Variants in WNT9B observed in about 807,000 individuals in gnomAD.
WNT9B encodes protein Wnt-9b.
In WNT9B, 12 loss-of-function variants were observed where a neutral mutation model predicts 30.2. The observed-to-expected ratio is 0.40, with a 90% confidence interval of 0.26 to 0.64. WNT9B has a LOEUF of 0.64. Among genes scored for constraint, WNT9B ranks in the 30% least tolerant of loss-of-function variants. WNT9B has a pLI of 0.42. For synonymous variants in WNT9B, 218 were observed against 216.9 expected (o/e 1.01, Z -0.05); for missense variants, 442 against 485.2 (o/e 0.91, Z 0.84).
At chr17:46,839,789 T>C (rs2084677898) in intron 1 of WNT9B, among the ~76,000 whole-genome samples, 1 of 152,146 alleles carries the variant, frequency 6.6e-6, no homozygotes, top group African/African-American at 2.4e-5. Flanking sequence ...TGGTTTTCTA[T>C]CCTTGTGATA....
At position 46,879,421 on chromosome 17, in the gene WNT9B, T is replaced by C. The variant is rs957879043; in HGVS notation, c.*2703T>C. ...TTTGTAGATTTTCTGCCCTTCTGGG[T>C]CCAGGCCCCCTTCTTCTGCTCTGGC... On this transcript the variant is annotated 3_prime_UTR_variant, in exon 4 of 4. Transcript: ENST00000290015. 2.0e-5 allele frequency among the ~76,000 whole-genome samples: 3 copies of C among 152,218 alleles called. No homozygotes were observed. The highest frequency in any genetic ancestry group is 4.4e-5 in the Non-Finnish European group (3 of 68,022).
chr17:46,840,035 TCTTTCTTTC>T (rs1568113960), intron 1 of WNT9B, among the ~76,000 whole-genome samples: 1 of 138,384 alleles, frequency 7.2e-6, no homozygotes, highest in Admixed American at 7.6e-5. Context: ...TTCTTTCTTT[TCTTTCTTTC>T]TTTCTCTCTC....
intron 1 of WNT9B, among the ~76,000 whole-genome samples, chr17:46,855,884 A>G (rs949365564): frequency 1.3e-5 from 2 of 152,020 alleles, no homozygotes; most frequent in African/African-American, 2.4e-5. Flanking sequence ...TTTTTAGTAG[A>G]GACCATGTTG....
downstream of WNT9B, chr17:46,885,393 C>G (rs772066399): frequency 6.0e-6 from 1 of 166,584 alleles, no homozygotes; most frequent in Non-Finnish European, 1.3e-5. Flanking sequence ...ACCTCCACCT[C>G]CCAGGTTCAA....
downstream of WNT9B, among the ~76,000 whole-genome samples, chr17:46,883,905 G>A (rs888157789): frequency 7.9e-5 from 12 of 152,258 alleles, no homozygotes; most frequent in South Asian, 2.3e-3. Context: ...GTCCCCAGGG[G>A]CTGTGGGGCC....
rs2085072438 is a variant in WNT9B at position 46,863,191 on chromosome 17, C to T, written c.78-9326C>T. Among the ~76,000 whole-genome samples the T allele has an allele frequency of 2.6e-5, 4 of 152,290 alleles. No homozygotes were observed. In the South Asian group the frequency reaches 6.2e-4, roughly 24 times the overall value. ...CCAGCCCCAGCTTGGGAAGGTTTGG[C>T]GGTGGGGCGTTAGGTGGTAGCCTCT... On this transcript the variant is annotated intron_variant, in intron 1 of 3. Transcript: ENST00000290015.
At position 46,878,523 on chromosome 17, in the gene WNT9B, C is replaced by A. The variant is rs1480996932; in HGVS notation, c.*1805C>A. The stretch of plus-strand genomic sequence containing the variant: ...GTTAAAATGACATTGCTGACCCAAG[C>A]ACCTGGCCCACACCTTGGCAGCAGG... On this transcript the variant is annotated 3_prime_UTR_variant, in exon 4 of 4. Coordinates refer to ENST00000290015, the MANE Select transcript of WNT9B (RefSeq NM_003396.3). Among the ~76,000 whole-genome samples, 2 of 152,224 alleles carry A rather than the reference C, an allele frequency of 1.3e-5. No individual in the cohort carries two copies. Among genetic ancestry groups the A allele is most frequent in the African/African-American group, 2.4e-5 (1 of 41,450 alleles).
chr17:46,861,160 C>A (rs2085030816), intron 1 of WNT9B, among the ~76,000 whole-genome samples: 1 of 152,270 alleles, frequency 6.6e-6, no homozygotes, highest in African/African-American at 2.4e-5. Flanking sequence ...TCCCTCTGAG[C>A]CCCGACCCTG....
At chr17:46,875,430 T>G in intron 3 of WNT9B, 64 bp downstream of exon 3, 1 of 1,491,228 alleles carries the variant, frequency 6.7e-7, no homozygotes, top group Non-Finnish European at 8.9e-7. Context: ...GGAGCATGGC[T>G]TGAAGGAGGC....
chr17:46,851,130 G>T (rs911971924), upstream of WNT9B, among the ~76,000 whole-genome samples: 3 of 152,096 alleles, frequency 2.0e-5, no homozygotes, highest in African/African-American at 7.2e-5. The surrounding 1 kb of genome is among the most constrained non-coding windows in gnomAD (Gnocchi z 4.3). Flanking sequence ...CGAAGAGACC[G>T]CACTTGCCCG....
At chr17:46,881,211 C>A (rs1281910750), downstream of WNT9B, among the ~76,000 whole-genome samples, 1 of 152,210 alleles carries the variant, frequency 6.6e-6, no homozygotes, top group African/African-American at 2.4e-5. Context: ...GTCCACATTG[C>A]CTTAACTGGG....
intron 1 of WNT9B, among the ~76,000 whole-genome samples, chr17:46,844,806 C>T (rs1364347501): frequency 8.1e-6 from 1 of 123,618 alleles, no homozygotes; most frequent in Non-Finnish European, 1.6e-5. Flanking sequence ...TGCCTCCCTC[C>T]TTCCCTTCCT....
chr17:46,878,320 G>A lies in WNT9B; in HGVS notation c.*1602G>A, dbSNP rs140549841. Among the ~76,000 whole-genome samples the A allele has an allele frequency of 5.1e-3, 774 of 152,298 alleles. 1 individual carries two copies. Among genetic ancestry groups the A allele is most frequent in the Admixed American group, 7.4e-3 (113 of 15,302 alleles). Reference sequence around the variant, plus strand: ...AATCAGCTGAATGCTCAGAAACCTCGCCTGTGCCAGCTCCAGGACAAAGGC... The same window carrying A: ...AATCAGCTGAATGCTCAGAAACCTCACCTGTGCCAGCTCCAGGACAAAGGC... On this transcript the variant is annotated 3_prime_UTR_variant, in exon 4 of 4. Coordinates refer to ENST00000290015, the MANE Select transcript of WNT9B (RefSeq NM_003396.3).
chr17:46,877,019 G>A lies in WNT9B; in HGVS notation c.*301G>A. The A allele has an allele frequency of 8.3e-7, 1 of 1,206,144 alleles. No individual in the cohort carries two copies. Among genetic ancestry groups the A allele is most frequent in the Non-Finnish European group, 1.0e-6 (1 of 970,520 alleles). The allele number at this position is 1,206,144 out of a possible 1,614,324, so 74.7% of individuals were successfully genotyped here. A position where few individuals can be genotyped will look rare whatever the true frequency, so the allele number is the denominator to read the frequency against. ...GGAAATAAGGGAGACCAAGAGCACA[G>A]CAGGACTGAAATTTTGGACGGGAGA... On this transcript the variant is annotated 3_prime_UTR_variant, in exon 4 of 4. Transcript: ENST00000290015.
chr17:46,886,362 TTAA>T (rs1237712463), exon 5 of WNT9B: 2 of 152,230 alleles, frequency 1.3e-5, no homozygotes, highest in Non-Finnish European at 2.9e-5. Flanking sequence ...CCCCTTTCAA[TTAA>T]TAAATAAAAT....
chr17:46,855,156 C>T (rs914698942), intron 1 of WNT9B, among the ~76,000 whole-genome samples: 2 of 152,198 alleles, frequency 1.3e-5, no homozygotes, highest in Non-Finnish European at 2.9e-5. Flanking sequence ...CTTCAACCTA[C>T]AGGAACAGCC....
chr17:46,834,735 C>T (rs2084604843), intron 1 of WNT9B, among the ~76,000 whole-genome samples: 2 of 152,146 alleles, frequency 1.3e-5, no homozygotes, highest in Non-Finnish European at 2.9e-5. Context: ...TCCCTCTGCC[C>T]TCTCACAACT....
intron 1 of WNT9B, among the ~76,000 whole-genome samples, chr17:46,871,238 C>T (rs980268218): frequency 1.1e-4 from 16 of 152,226 alleles, no homozygotes; most frequent in African/African-American, 3.4e-4. Flanking sequence ...GCTATGAGGC[C>T]AGGATATCCC....
intron 1 of WNT9B, among the ~76,000 whole-genome samples, chr17:46,841,395 T>C (rs940548446): frequency 1.3e-5 from 2 of 152,140 alleles, no homozygotes. Flanking sequence ...AGGAAAGTCA[T>C]GCATCGATAT....
Sources: gnomAD v4.1 joint callset for allele counts (sites outside exome capture counted in the v4.1 genomes callset) on GRCh38, gnomAD v4.1.1 for gene constraint, Gnocchi (gnomAD v3.1) non-coding constraint, MANE v1.5 for transcripts, NCBI Gene and HGNC (gene_info 2026-07-23, HGNC 2026-07-21) for gene names.